HS3ST4: variants seen among roughly 807,000 people sequenced by gnomAD.
HS3ST4 encodes heparan sulfate-glucosamine 3-sulfotransferase 4, also known as heparan sulfate glucosamine 3-O-sulfotransferase 4.
HS3ST4 carries 17 observed loss-of-function variants against 29.2 expected under a neutral mutation model. The observed-to-expected ratio is 0.58, with a 90% CI of 0.40 to 0.87. HS3ST4 has a LOEUF of 0.87. Ranked by LOEUF, HS3ST4 falls within the 40% of genes least tolerant of loss-of-function variation. The pLI is 0.00. For missense variants in HS3ST4, 627 were observed against 634.5 expected, an observed-to-expected ratio of 0.99 and a Z score of 0.13; for synonymous variants, 314 against 285.7, an observed-to-expected ratio of 1.10 and a Z score of -1.00.
intron 1 of HS3ST4, among the ~76,000 whole-genome samples, chr16:26,012,919 C>T (rs1178413168): frequency 1.3e-5 from 2 of 152,076 alleles, no homozygotes; most frequent in East Asian, 3.9e-4. Flanking sequence ...AATCCCAGCA[C>T]TTTGGGAGGC....
At chr16:25,974,917 A>G (rs769291844) in intron 1 of HS3ST4, among the ~76,000 whole-genome samples, 26 of 152,084 alleles carry the variant, frequency 1.7e-4, no homozygotes, top group Non-Finnish European at 3.4e-4. Context: ...CCAGACACTT[A>G]TTTTCTTTTG....
At position 25,776,929 on chromosome 16, in the gene HS3ST4, T is replaced by C. The variant is rs545644900; in HGVS notation, c.734+83778T>C. Among the ~76,000 whole-genome samples the C allele has an allele frequency of 2.6e-5, 4 of 152,380 alleles. No homozygotes were observed. In the South Asian group the frequency reaches 8.3e-4, roughly 32 times the overall value. ...GTCTAATTCTACTGATTGAATACGT[T>C]CTGTTTTTACTAACAAAATATAACA... On this transcript the variant is annotated intron_variant, in intron 1 of 1. Coordinates refer to ENST00000331351, the MANE Select transcript of HS3ST4 (RefSeq NM_006040.3).
intron 1 of HS3ST4, among the ~76,000 whole-genome samples, chr16:26,090,967 A>G (rs1898849901): frequency 6.6e-6 from 1 of 152,182 alleles, no homozygotes; most frequent in Admixed American, 6.5e-5. Flanking sequence ...CATGAGGCTA[A>G]CCTGGTGTAT....
At chr16:25,801,179 A>C (rs999723257) in intron 1 of HS3ST4, among the ~76,000 whole-genome samples, 4 of 152,124 alleles carry the variant, frequency 2.6e-5, no homozygotes, top group Non-Finnish European at 5.9e-5. Context: ...ATACGCACAC[A>C]GACAGGATAC....
Position 26,083,731 on chromosome 16 carries a change from G to GA in HS3ST4, c.735-51871dup, listed in dbSNP as rs549428585. On this transcript the variant is annotated intron_variant, in intron 1 of 1. Transcript: ENST00000331351. ...CATTCTTATATTCTAGTCCAGGGAA[G>GA]AAAAAAAAAATAAACCAGGAAAGAG... Among the ~76,000 whole-genome samples the GA allele has an allele frequency of 3.1e-3, 456 of 147,052 alleles. 1 individual carries two copies. The highest frequency in any genetic ancestry group is 9.8e-3 in the African/African-American group (394 of 40,270).
chr16:25,911,746 C>T (rs1236671030), intron 1 of HS3ST4, among the ~76,000 whole-genome samples: 4 of 151,790 alleles, frequency 2.6e-5, no homozygotes, highest in African/African-American at 4.8e-5. Context: ...TGGGCTTGAG[C>T]GATCCTCCTG....
At chr16:25,767,823 A>G (rs1022029801) in intron 1 of HS3ST4, among the ~76,000 whole-genome samples, 2 of 152,220 alleles carry the variant, frequency 1.3e-5, no homozygotes, top group African/African-American at 4.8e-5. Context: ...TTGCACAGCT[A>G]GTGAGTGCCA....
intron 1 of HS3ST4, among the ~76,000 whole-genome samples, chr16:26,097,975 A>G (rs1432639614): frequency 6.6e-6 from 1 of 152,256 alleles, no homozygotes; most frequent in East Asian, 1.9e-4. Flanking sequence ...CAACAGACAC[A>G]TGAAAAAATG....
At chr16:25,738,007 C>A (rs1180370821) in intron 1 of HS3ST4, among the ~76,000 whole-genome samples, 1 of 150,876 alleles carries the variant, frequency 6.6e-6, no homozygotes, top group Admixed American at 6.6e-5. Flanking sequence ...TGGGTTCAAG[C>A]AATTCTCCTG....
At chr16:25,844,440 A>T (rs1967444602) in intron 1 of HS3ST4, among the ~76,000 whole-genome samples, 1 of 152,152 alleles carries the variant, frequency 6.6e-6, no homozygotes, top group Non-Finnish European at 1.5e-5. Flanking sequence ...AGTTGCTCTT[A>T]TTCCTTTTAA....
At chr16:25,876,055 G>A (rs1001382300) in intron 1 of HS3ST4, among the ~76,000 whole-genome samples, 7 of 152,084 alleles carry the variant, frequency 4.6e-5, no homozygotes, top group Non-Finnish European at 8.8e-5. Flanking sequence ...TAACCTCCAC[G>A]ATGATGCCCA....
In HS3ST4 at chr16:25,730,392, C is replaced by G. The variant is rs187521243; in HGVS notation, c.734+37241C>G. On this transcript the variant is annotated intron_variant, in intron 1 of 1. Coordinates refer to ENST00000331351, the MANE Select transcript of HS3ST4 (RefSeq NM_006040.3). Reference sequence around the variant, plus strand: ...TCCTTCTTTCCTTCCTCCCCTCCCTCGTCCTTCTCTCCCTCTCTCCCTCTC... The same window carrying G: ...TCCTTCTTTCCTTCCTCCCCTCCCTGGTCCTTCTCTCCCTCTCTCCCTCTC... 8.1e-5 allele frequency among the ~76,000 whole-genome samples: 12 copies of G among 147,530 alleles called. No individual in the cohort carries two copies. In the South Asian group the frequency reaches 9.0e-4, roughly 11 times the overall value.
intron 1 of HS3ST4, among the ~76,000 whole-genome samples, chr16:25,877,291 G>A (rs557052005): frequency 5.5e-4 from 84 of 152,172 alleles, no homozygotes; most frequent in Non-Finnish European, 9.1e-4. Flanking sequence ...ATAAAATTAA[G>A]ATGATGTCAT....
intron 1 of HS3ST4, among the ~76,000 whole-genome samples, chr16:25,804,601 G>A (rs1342996098): frequency 6.6e-6 from 1 of 152,076 alleles, no homozygotes; most frequent in African/African-American, 2.4e-5. Context: ...TCCTCTGCTT[G>A]TTGTATGTTA....
intron 1 of HS3ST4, among the ~76,000 whole-genome samples, chr16:25,817,724 A>T (rs368549531): frequency 6.6e-6 from 1 of 152,244 alleles, no homozygotes; most frequent in Non-Finnish European, 1.5e-5. Flanking sequence ...ATTCATCAAC[A>T]TACAGAGGAC....
At chr16:25,913,149 A>G (rs1968257052) in intron 1 of HS3ST4, among the ~76,000 whole-genome samples, 1 of 152,254 alleles carries the variant, frequency 6.6e-6, no homozygotes, top group South Asian at 2.1e-4. Context: ...GGGTTGGTCC[A>G]GGGCAGGGCC....
intron 1 of HS3ST4, among the ~76,000 whole-genome samples, chr16:26,043,656 A>G (rs887649652): frequency 2.6e-5 from 4 of 152,216 alleles, no homozygotes; most frequent in African/African-American, 7.2e-5. Flanking sequence ...AGAGATCATT[A>G]TTACCAGGGA....
At chr16:25,969,959 C>T (rs1470991115) in intron 1 of HS3ST4, among the ~76,000 whole-genome samples, 1 of 152,196 alleles carries the variant, frequency 6.6e-6, no homozygotes, top group Non-Finnish European at 1.5e-5. Context: ...AATCCTGGCC[C>T]CAAACACGAA....
At chr16:25,775,879 A>G (rs765960629) in intron 1 of HS3ST4, among the ~76,000 whole-genome samples, 3 of 152,184 alleles carry the variant, frequency 2.0e-5, no homozygotes, top group Non-Finnish European at 2.9e-5. Context: ...CAGACCATTT[A>G]TCTTGGAACT....
Sources: allele counts gnomAD v4.1 joint callset (sites outside exome capture counted in the v4.1 genomes callset), GRCh38; gene constraint gnomAD v4.1.1; transcripts MANE v1.5; gene names NCBI Gene and HGNC (gene_info 2026-07-23, HGNC 2026-07-21).